Variants in SVEP1 observed in about 807,000 individuals in gnomAD.
SVEP1 encodes sushi, von Willebrand factor type A, EGF and pentraxin domain containing 1.
In SVEP1, 164 loss-of-function variants were observed where a neutral mutation model predicts 367.3. The observed-to-expected ratio is 0.45, with a 90% CI of 0.39 to 0.51. The LOEUF (loss-of-function observed/expected upper bound fraction) is 0.51. Ranked by LOEUF, SVEP1 falls within the 20% of genes least tolerant of loss-of-function variation. The probability of loss-of-function intolerance (pLI) is 0.00; values close to 1 mark genes in which losing one functional copy is unlikely to be tolerated. For synonymous variants in SVEP1, 1,666 were observed against 1,611.6 expected (o/e 1.03, Z -0.81); for missense variants, 4,117 against 4,425.3 (o/e 0.93, Z 1.98).
chr9:110,469,519 T>TC (rs1828985428), intron 16 of SVEP1, among the ~76,000 whole-genome samples: 1 of 152,180 alleles, frequency 6.6e-6, no homozygotes. Flanking sequence ...TCTGAATGCT[T>TC]CCCCATTGAA....
At chr9:110,505,630 C>T (rs1829613529) in intron 5 of SVEP1, among the ~76,000 whole-genome samples, 1 of 152,112 alleles carries the variant, frequency 6.6e-6, no homozygotes, top group Non-Finnish European at 1.5e-5. Flanking sequence ...AAACTTCCAG[C>T]TCCTTTGAAG....
chr9:110,557,375 C>A (rs1379510871), intron 1 of SVEP1, among the ~76,000 whole-genome samples: 1 of 151,872 alleles, frequency 6.6e-6, no homozygotes, highest in Non-Finnish European at 1.5e-5. Context: ...AGCTTCTCAG[C>A]CAGTTTTGTT....
chr9:110,537,823 G>A (rs1034006027), intron 3 of SVEP1, among the ~76,000 whole-genome samples: 1 of 151,670 alleles, frequency 6.6e-6, no homozygotes, highest in Non-Finnish European at 1.5e-5. Flanking sequence ...AAAAATCAAC[G>A]AGGGATTTGT....
chr9:110,409,035 T>G, intron 37 of SVEP1, 84 bp from the exon 38 acceptor site: 1 of 1,419,252 alleles, frequency 7.0e-7, no homozygotes, highest in Non-Finnish European at 9.4e-7. Flanking sequence ...TGAAAAAAAC[T>G]AAAAGGTCTA....
intron 14 of SVEP1, 126 bp from the exon 15 acceptor site, chr9:110,472,449 A>G: frequency 1.2e-6 from 1 of 863,664 alleles, no homozygotes; most frequent in Non-Finnish European, 1.7e-6. Flanking sequence ...AACATACTGC[A>G]TACAGGGTTT....
rs368295640 is a variant in SVEP1, at chr9:110,406,998, C to G, written c.8602G>C (p.Ala2868Pro). 2.4e-5 allele frequency: 39 copies of G among 1,613,842 alleles called. No homozygotes were observed. The highest frequency in any genetic ancestry group is 3.3e-5 in the Admixed American group (2 of 60,004). The change falls in exon 38 of 48, where the codon GCC (alanine) becomes CCC (proline). Residue 2868 changes from alanine to proline, a missense_variant. Coordinates refer to ENST00000374469, the MANE Select transcript of SVEP1 (RefSeq NM_153366.4). The stretch of plus-strand genomic sequence containing the variant: ...TTGGCAAGACAAACCCGACTCCTGG[C>G]TCCCTCAAGCAAGAACCCTTCATTG... ...TCNEGFLLEG[A>P]RSRVCLANGS...
intron 22 of SVEP1, among the ~76,000 whole-genome samples, chr9:110,454,164 G>A (rs1041256597): frequency 2.6e-5 from 4 of 152,070 alleles, no homozygotes; most frequent in African/African-American, 9.7e-5. Context: ...TAGGTTTTCT[G>A]TTTACTCCAT....
intron 1 of SVEP1, among the ~76,000 whole-genome samples, chr9:110,567,221 T>TAG (rs1830503007): frequency 1.3e-5 from 2 of 152,122 alleles, no homozygotes; most frequent in African/African-American, 4.8e-5. Context: ...GATGTGATCT[T>TAG]TGTCGTAAGC....
chr9:110,432,775 A>G, intron 30 of SVEP1, 140 bp from the exon 31 acceptor site: 5 of 945,672 alleles, frequency 5.3e-6, no homozygotes, highest in Middle Eastern at 3.4e-4. Context: ...TCCTAGGGAT[A>G]GCAGCAGCCT....
At chr9:110,416,910 T>G (rs1264294496) in intron 36 of SVEP1, among the ~76,000 whole-genome samples, 1 of 152,062 alleles carries the variant, frequency 6.6e-6, no homozygotes, top group African/African-American at 2.4e-5. Context: ...TTCTAACTAT[T>G]AGATGCTAGT....
At chr9:110,513,562 AC>A (rs547633949) in intron 4 of SVEP1, among the ~76,000 whole-genome samples, 2 of 152,168 alleles carry the variant, frequency 1.3e-5, no homozygotes, top group South Asian at 4.1e-4. Context: ...TAATACTGAG[AC>A]CCTTTACTTA....
rs1249147090 is a variant in SVEP1, at chr9:110,578,976, G to T, written c.531+37C>A. The T allele has an allele frequency of 2.6e-6, 4 of 1,541,720 alleles. No homozygotes were observed. In the South Asian group the frequency reaches 4.8e-5, roughly 18 times the overall value. On this transcript the variant is annotated intron_variant, in intron 1 of 47. Transcript: ENST00000374469. ...GGCAGCGGTGGGTCGAAGGGCCCGG[G>T]GACTAGGGCCCGGGTCGGGAGGGGC...
intron 9 of SVEP1, among the ~76,000 whole-genome samples, chr9:110,489,373 T>G (rs1012770239): frequency 6.6e-6 from 1 of 152,204 alleles, no homozygotes; most frequent in African/African-American, 2.4e-5. Flanking sequence ...CAGTTCCATA[T>G]GGCTGGGGAG....
chr9:110,477,695 T>G (rs1311333552), intron 13 of SVEP1, among the ~76,000 whole-genome samples: 1 of 152,106 alleles, frequency 6.6e-6, no homozygotes, highest in Non-Finnish European at 1.5e-5. Flanking sequence ...TCTGCCTCCT[T>G]GACTCTTCTC....
intron 1 of SVEP1, among the ~76,000 whole-genome samples, 168 bp from the exon 2 acceptor site, chr9:110,550,272 A>G (rs191267965): frequency 1.5e-4 from 23 of 152,314 alleles, no homozygotes; most frequent in Non-Finnish European, 2.5e-4. Flanking sequence ...AGAGCCTACA[A>G]TGATCTTCTC....
chr9:110,426,898 T>A (rs1042858356), intron 36 of SVEP1, among the ~76,000 whole-genome samples: 5 of 152,210 alleles, frequency 3.3e-5, no homozygotes, highest in Non-Finnish European at 5.9e-5. Flanking sequence ...TGAACTTTAT[T>A]ATCTTTTTTC....
At chr9:110,564,687 A>G (rs1830468379) in intron 1 of SVEP1, among the ~76,000 whole-genome samples, 2 of 152,072 alleles carry the variant, frequency 1.3e-5, no homozygotes, top group Non-Finnish European at 2.9e-5. Context: ...GATTGACCAT[A>G]TGACCACATA....
intron 5 of SVEP1, among the ~76,000 whole-genome samples, chr9:110,503,594 TG>T (rs1276076722): frequency 1.3e-5 from 2 of 152,120 alleles, no homozygotes; most frequent in Non-Finnish European, 2.9e-5. Flanking sequence ...CAAAAGGAAG[TG>T]GTATTTTCCA....
At chr9:110,533,806 T>C (rs559092278) in intron 3 of SVEP1, among the ~76,000 whole-genome samples, 1 of 152,306 alleles carries the variant, frequency 6.6e-6, no homozygotes, top group African/African-American at 2.4e-5. Flanking sequence ...TAGTGAACAA[T>C]AACCCCATGC....
Sources: gnomAD v4.1 joint callset for allele counts (sites outside exome capture counted in the v4.1 genomes callset) on GRCh38, gnomAD v4.1.1 for gene constraint, MANE v1.5 for transcripts, NCBI Gene and HGNC (gene_info 2026-07-23, HGNC 2026-07-21) for gene names.